LRIT3: variants seen among roughly 807,000 people sequenced by gnomAD.
LRIT3 encodes leucine-rich repeat, immunoglobulin-like domain and transmembrane domain-containing protein 3.
LRIT3 carries 14 observed loss-of-function variants against 22.6 expected under a neutral mutation model. The ratio of observed to expected loss-of-function variants is 0.62; its 90% CI spans 0.41 to 0.97. The LOEUF (loss-of-function observed/expected upper bound fraction) is 0.97. Ranked by LOEUF, LRIT3 falls within the 50% of genes least tolerant of loss-of-function variation. The pLI is 0.00. For synonymous variants in LRIT3, 306 were observed against 304.5 expected, an observed-to-expected ratio of 1.01 and a Z score of -0.05; for missense variants, 783 against 803.0, an observed-to-expected ratio of 0.98 and a Z score of 0.30.
At position 109,851,606 on chromosome 4, in the gene LRIT3, T is replaced by G; in HGVS notation, c.219T>G (p.Ser73=). ...AGAAGACTGTCATCCGCAGAATCTC[T>G]GCGGAGGCCTTCTATTACCTGGTGG... ...RIEKTVIRRI[S]AEAFYYLVEL... Residue 73 remains serine, a synonymous_variant, in exon 2 of 4, where the codon TCT becomes TCG. Transcript: ENST00000594814. 1 of 1,551,764 alleles carries G rather than the reference T, an allele frequency of 6.4e-7. No individual in the cohort carries two copies.
chr4:109,866,217 C>T (rs1037484306), intron 2 of LRIT3, among the ~76,000 whole-genome samples: 4 of 152,048 alleles, frequency 2.6e-5, no homozygotes, highest in Non-Finnish European at 5.9e-5. Context: ...ATTGCAGTTT[C>T]GTCTTTTCTT....
chr4:109,870,651 C>G lies in LRIT3; in HGVS notation c.1902C>G (p.Pro634=). 2 of 1,614,028 alleles carry G rather than the reference C, an allele frequency of 1.2e-6. No individual in the cohort carries two copies. The highest frequency in any genetic ancestry group is 1.7e-6 in the Non-Finnish European group (2 of 1,180,000). The change falls in exon 4 of 4, where the codon CCC becomes CCG. Residue 634 remains proline, a synonymous_variant. Transcript: ENST00000594814. The part of the protein sequence containing the change: ...ETYIQFETLF[P]RSQSVGELWT... ...ATATCCAATTTGAGACCCTGTTTCC[C>G]AGGTCTCAAAGTGTAGGTGAGCTCT...
rs544276272 is a variant in LRIT3 at position 109,865,310 on chromosome 4, C to T, written c.590-2331C>T. 1.2e-5 allele frequency: 19 copies of T among 1,604,132 alleles called. No homozygotes were observed. In the East Asian group the frequency reaches 4.0e-4, roughly 34 times the overall value. On this transcript the variant is annotated intron_variant, in intron 2 of 3. Transcript: ENST00000594814. ...TCATTTCCTATTACTTTTAAAATTT[C>T]TCTTTCATATATTTAAATCTGGCCT...
chr4:109,850,421 TCC>T (rs1560588976), intron 1 of LRIT3, among the ~76,000 whole-genome samples: 1 of 12,298 alleles, frequency 8.1e-5, no homozygotes, highest in African/African-American at 3.0e-4. Context: ...CTTCCTTCCT[TCC>T]TTTCTTTCTT....
In LRIT3 at chr4:109,872,140, C is replaced by G. The variant is rs1045027414; in HGVS notation, c.*1351C>G. On this transcript the variant is annotated 3_prime_UTR_variant, in exon 4 of 4. Transcript: ENST00000594814. ...AGAAACACTTGGTAATTGACCCAGA[C>G]TGAATACATGTATAAGAAATGGGAA... The G allele has an allele frequency of 2.0e-5, 3 of 152,176 alleles. No individual in the cohort carries two copies. Among genetic ancestry groups the G allele is most frequent in the African/African-American group, 4.8e-5 (2 of 41,432 alleles). The allele number at this position is 152,176 out of a possible 1,614,324, so 9.4% of individuals were successfully genotyped here.
intron 2 of LRIT3, among the ~76,000 whole-genome samples, chr4:109,855,260 T>A (rs2125898223): frequency 6.6e-6 from 1 of 152,318 alleles, no homozygotes; most frequent in South Asian, 2.1e-4. Flanking sequence ...CTTCCTGGTT[T>A]AGTATTGGGA....
intron 2 of LRIT3, among the ~76,000 whole-genome samples, chr4:109,856,833 C>A (rs558245776): frequency 1.3e-5 from 2 of 151,962 alleles, no homozygotes; most frequent in African/African-American, 4.8e-5. Context: ...GCCATTTATC[C>A]GCAAAATGAG....
intron 2 of LRIT3, among the ~76,000 whole-genome samples, chr4:109,858,844 T>A (rs1054145170): frequency 2.1e-4 from 32 of 152,204 alleles, no homozygotes; most frequent in African/African-American, 7.7e-4. Context: ...GTAATATGTT[T>A]AATATGCCAC....
chr4:109,857,528 A>T (rs1016339034), intron 2 of LRIT3, among the ~76,000 whole-genome samples: 1 of 152,192 alleles, frequency 6.6e-6, no homozygotes, highest in Non-Finnish European at 1.5e-5. Flanking sequence ...AATCTCCATA[A>T]TTCTGAATGT....
At chr4:109,865,798 T>G (rs1231671691) in intron 2 of LRIT3, among the ~76,000 whole-genome samples, 1 of 152,184 alleles carries the variant, frequency 6.6e-6, no homozygotes, top group Non-Finnish European at 1.5e-5. Flanking sequence ...AGGTTGTTAT[T>G]ATAGATATCT....
chr4:109,867,533 A>C (rs1375421220), intron 2 of LRIT3, 108 bp from the exon 3 acceptor site: 6 of 1,023,166 alleles, frequency 5.9e-6, no homozygotes, highest in Non-Finnish European at 8.7e-6. Flanking sequence ...CCCTCAAAGC[A>C]CTTCTGTTTA....
intron 2 of LRIT3, among the ~76,000 whole-genome samples, chr4:109,856,842 A>G (rs1560591430): frequency 6.6e-6 from 1 of 152,200 alleles, no homozygotes; most frequent in Non-Finnish European, 1.5e-5. Context: ...CCGCAAAATG[A>G]GCAGTTTGAA....
Position 109,868,123 on chromosome 4 carries a change from C to T in LRIT3, c.895+177C>T, listed in dbSNP as rs1276027996. On this transcript the variant is annotated intron_variant, in intron 3 of 3. Transcript: ENST00000594814. The stretch of plus-strand genomic sequence containing the variant: ...TTAGTATTCTCCTCAGTTTATCTAA[C>T]TACCTAGATAAAATTAAACAATCTA... Among the ~76,000 whole-genome samples the T allele has an allele frequency of 2.6e-5, 4 of 152,152 alleles. No homozygotes were observed. In the South Asian group the frequency reaches 8.3e-4, roughly 32 times the overall value.
chr4:109,865,211 A>C, intron 2 of LRIT3: 1 of 1,506,958 alleles, frequency 6.6e-7, no homozygotes, highest in Non-Finnish European at 9.1e-7. Flanking sequence ...GCAAGGTTGC[A>C]TCACCCAGGT....
chr4:109,861,338 GAAA>G (rs34877226), intron 2 of LRIT3, among the ~76,000 whole-genome samples: 1 of 143,082 alleles, frequency 7.0e-6, no homozygotes. Flanking sequence ...ATCCTGGGTG[GAAA>G]AAAAAAAAAA....
chr4:109,850,653 T>C (rs1260999226), intron 1 of LRIT3, among the ~76,000 whole-genome samples: 2 of 151,410 alleles, frequency 1.3e-5, no homozygotes, highest in Admixed American at 6.6e-5. Flanking sequence ...ATTTTTGTAT[T>C]TTTAGTGGAG....
chr4:109,870,843 T>C lies in LRIT3; in HGVS notation c.*54T>C. 1 of 1,507,176 alleles carries C rather than the reference T, an allele frequency of 6.6e-7. No homozygotes were observed. Among genetic ancestry groups the C allele is most frequent in the Non-Finnish European group, 8.9e-7 (1 of 1,126,932 alleles). The allele number at this position is 1,507,176 out of a possible 1,614,324, so 93.4% of individuals were successfully genotyped here. The stretch of plus-strand genomic sequence containing the variant: ...ACAAAACTAGCATCTAAGGGTATAA[T>C]TGACCCTAGGTTTGGATGACTTTTG... On this transcript the variant is annotated 3_prime_UTR_variant, in exon 4 of 4. Transcript: ENST00000594814.
In LRIT3 at chr4:109,851,592, A is replaced by T; in HGVS notation, c.205A>T (p.Ile69Phe). The T allele has an allele frequency of 6.4e-7, 1 of 1,551,844 alleles. No homozygotes were observed. Among genetic ancestry groups the T allele is most frequent in the South Asian group, 1.2e-5 (1 of 84,058 alleles). Residue 69 changes from isoleucine (I) to phenylalanine (F), a missense_variant, in exon 2 of 4, where the codon ATC becomes TTC. Coordinates refer to ENST00000594814, the MANE Select transcript of LRIT3 (RefSeq NM_198506.5). ...TVKLRIEKTV[I>F]RRISAEAFYY... ...GAAGCTTCGCATAGAGAAGACTGTCATCCGCAGAATCTCTGCGGAGGCCTT... is the reference window on the plus strand; with the variant it reads ...GAAGCTTCGCATAGAGAAGACTGTCTTCCGCAGAATCTCTGCGGAGGCCTT...
chr4:109,870,481 G>T lies in LRIT3; in HGVS notation c.1732G>T (p.Asp578Tyr), dbSNP rs1047741524. Residue 578 changes from aspartate (D) to tyrosine (Y), a missense_variant, in exon 4 of 4, where the codon GAT becomes TAT. This residue lies in a region of LRIT3 where 756 missense variants were observed against 753.8 expected (regional missense o/e 1.00). Coordinates refer to ENST00000594814, the MANE Select transcript of LRIT3 (RefSeq NM_198506.5). ...TTCTACTGAAAGAGTTGAAGGAGAT[G>T]ATTCTCAATGGTCTCTCCTTCTCGT... ...TFSTERVEGD[D>Y]SQWSLLLVVT... 1.2e-6 allele frequency: 2 copies of T among 1,614,182 alleles called. No individual in the cohort carries two copies. The highest frequency in any genetic ancestry group is 1.7e-6 in the Non-Finnish European group (2 of 1,180,010).
Sources: allele counts gnomAD v4.1 joint callset (sites outside exome capture counted in the v4.1 genomes callset), GRCh38; gene constraint gnomAD v4.1.1; regional missense constraint gnomAD v4.1.1; transcripts MANE v1.5; gene names NCBI Gene and HGNC (gene_info 2026-07-23, HGNC 2026-07-21).